Variants in SLA observed in about 807,000 individuals in gnomAD.
SLA encodes Src like adaptor, also known as src-like-adapter.
In SLA, 16 loss-of-function variants were observed where a neutral mutation model predicts 30.3. That is an observed-to-expected ratio of 0.53 (90% CI 0.36 to 0.80). The LOEUF (loss-of-function observed/expected upper bound fraction) is 0.80, where lower values mean the gene tolerates loss of function less well. SLA is among the 30% of genes least tolerant of loss of function. The pLI is 0.01. For synonymous variants in SLA, 143 were observed against 137.8 expected (o/e 1.04, Z -0.26); for missense variants, 310 against 345.2 (o/e 0.90, Z 0.81).
At chr8:133,058,233 G>A (rs1043854167) in intron 3 of SLA, among the ~76,000 whole-genome samples, 1 of 152,156 alleles carries the variant, frequency 6.6e-6, no homozygotes, top group Admixed American at 6.5e-5. Flanking sequence ...ATGATCGGGG[G>A]AACGTTTCAG....
intron 3 of SLA, among the ~76,000 whole-genome samples, chr8:133,057,022 A>T (rs1303647886): frequency 6.6e-6 from 1 of 152,124 alleles, no homozygotes; most frequent in Non-Finnish European, 1.5e-5. Flanking sequence ...TGCGAAGACC[A>T]CTTACTGAGA....
chr8:133,059,211 C>A (rs1178970667), intron 3 of SLA: 1 of 448,270 alleles, frequency 2.2e-6, no homozygotes, highest in Non-Finnish European at 4.5e-6. Context: ...AAATGGGACA[C>A]CAGGCCCCAA....
intron 1 of SLA, among the ~76,000 whole-genome samples, chr8:133,100,121 T>C (rs1165470166): frequency 6.6e-6 from 1 of 152,246 alleles, no homozygotes; most frequent in Non-Finnish European, 1.5e-5. Flanking sequence ...GGCTCACTGG[T>C]TTATCCCTTT....
chr8:133,036,909 C>G lies in SLA; in HGVS notation c.*1615G>C, dbSNP rs1451256589. On this transcript the variant is annotated 3_prime_UTR_variant, in exon 9 of 9. Transcript: ENST00000338087. ...AGACATCTGGAGTTCAGGGGGTCACCCTGCCTTATGCGGGAAGTCAATGTC... is the reference window on the plus strand; with the variant it reads ...AGACATCTGGAGTTCAGGGGGTCACGCTGCCTTATGCGGGAAGTCAATGTC... The G allele has an allele frequency of 1.3e-5, 2 of 152,428 alleles. No homozygotes were observed. Among genetic ancestry groups the G allele is most frequent in the Admixed American group, 1.3e-4 (2 of 15,278 alleles). 9.4% of individuals were successfully genotyped at this position (152,428 alleles called of 1,614,324 possible). A position where few individuals can be genotyped will look rare whatever the true frequency, so the allele number is the denominator to read the frequency against.
At position 133,075,084 on chromosome 8, in the gene SLA, G is replaced by T. The variant is rs1235454332; in HGVS notation, c.-272C>A. ...AGGCACAGGGCTTGCAGAAGGGCAG[G>T]TTCCTGTTTTCAGTAACCACTCTGA... On this transcript the variant is annotated 5_prime_UTR_variant, in exon 2 of 9. Coordinates refer to ENST00000338087, the MANE Select transcript of SLA (RefSeq NM_001045556.3). 17 of 985,322 alleles carry T rather than the reference G, an allele frequency of 1.7e-5. No homozygotes were observed. Among genetic ancestry groups the T allele is most frequent in the Non-Finnish European group, 1.7e-5 (14 of 829,942 alleles). The allele number at this position is 985,322 out of a possible 1,614,324, so 61.0% of individuals were successfully genotyped here. A position where few individuals can be genotyped will look rare whatever the true frequency, so the allele number is the denominator to read the frequency against.
At chr8:133,047,784 T>G (rs777001717) in intron 6 of SLA, 46 bp downstream of exon 6, 1 of 1,074,442 alleles carries the variant, frequency 9.3e-7, no homozygotes, top group East Asian at 2.4e-5. Context: ...GAGCAAAACA[T>G]GCTTGTCTGC....
chr8:133,093,413 C>A (rs4736630), intron 1 of SLA, among the ~76,000 whole-genome samples: 108,645 of 151,702 alleles, frequency 0.72, 39,317 homozygotes, highest in Non-Finnish European at 0.75. Flanking sequence ...ATCACGTAGC[C>A]CAGGAGCCTT....
chr8:133,087,425 C>T (rs1176906210), intron 1 of SLA, among the ~76,000 whole-genome samples: 1 of 152,156 alleles, frequency 6.6e-6, no homozygotes, highest in East Asian at 1.9e-4. Flanking sequence ...AGAACCACCT[C>T]CTTCCTCCCT....
At chr8:133,058,776 C>G (rs1157374813) in intron 3 of SLA, among the ~76,000 whole-genome samples, 2 of 152,234 alleles carry the variant, frequency 1.3e-5, no homozygotes, top group African/African-American at 4.8e-5. Flanking sequence ...AGCACATGCT[C>G]TGTTCCACCT....
At chr8:133,085,589 A>G (rs73708839) in intron 1 of SLA, among the ~76,000 whole-genome samples, 7,806 of 152,286 alleles carry the variant, frequency 0.051, 652 homozygotes, top group African/African-American at 0.18. Context: ...AAATGGGCCC[A>G]TAAGCATAGC....
intron 3 of SLA, among the ~76,000 whole-genome samples, chr8:133,056,744 C>A (rs973224135): frequency 6.6e-6 from 1 of 152,140 alleles, no homozygotes; most frequent in South Asian, 2.1e-4. Context: ...GAGCACCAAG[C>A]GGCTCTAATC....
intron 6 of SLA, among the ~76,000 whole-genome samples, chr8:133,045,347 T>G (rs1431642929): frequency 6.6e-6 from 1 of 151,234 alleles, no homozygotes; most frequent in Non-Finnish European, 1.5e-5. Flanking sequence ...CATCACATGG[T>G]CCTTACAGGT....
At chr8:133,075,216 C>T (rs4606039) in intron 1 of SLA, 86 bp from the exon 2 acceptor site, 148,603 of 747,862 alleles carry the variant, frequency 0.2, 15,729 homozygotes, top group East Asian at 0.22. Flanking sequence ...ATTTCAGAAG[C>T]TTGGTCTTCT....
chr8:133,094,994 G>A, intron 1 of SLA: 1 of 1,611,464 alleles, frequency 6.2e-7, no homozygotes, highest in Middle Eastern at 2.2e-4. Context: ...AGGTGAGCAG[G>A]GGCTGAAGAT....
intron 2 of SLA, among the ~76,000 whole-genome samples, chr8:133,070,209 T>G (rs1241828192): frequency 1.3e-5 from 2 of 152,046 alleles, no homozygotes; most frequent in Admixed American, 1.3e-4. Context: ...GACTTCCAGT[T>G]TCCAGTGTGA....
intron 5 of SLA, chr8:133,049,071 G>T: frequency 2.3e-6 from 1 of 440,174 alleles, no homozygotes. Context: ...AACTCCAGGA[G>T]GTGAAGCGAC....
chr8:133,038,529 C>T lies in SLA; in HGVS notation c.826G>A (p.Asp276Asn), dbSNP rs1837511862. Residue 276 changes from aspartate to asparagine, a missense_variant, in exon 9 of 9, where the codon GAC (aspartate) becomes AAC (asparagine). Transcript: ENST00000338087. ...SFFSSPPYFE[D>N] is the part of the protein sequence containing the mutation. Reference sequence around the variant, plus strand: ...ACCATTGTGTCTGTTCTTGGCTAGTCCTCAAAGTAAGGTGGTGATGAGAAG... The same window carrying T: ...ACCATTGTGTCTGTTCTTGGCTAGTTCTCAAAGTAAGGTGGTGATGAGAAG... 1 of 1,609,352 alleles carries T rather than the reference C, an allele frequency of 6.2e-7. No individual in the cohort carries two copies. Among genetic ancestry groups the T allele is most frequent in the South Asian group, 1.1e-5 (1 of 91,020 alleles).
intron 2 of SLA, among the ~76,000 whole-genome samples, chr8:133,073,546 A>G (rs1019723384): frequency 6.6e-6 from 1 of 152,158 alleles, no homozygotes; most frequent in Non-Finnish European, 1.5e-5. Flanking sequence ...ATTAAATAGC[A>G]TTCTTCTAAA....
chr8:133,047,981 C>T (rs371194857), intron 5 of SLA, 48 bp from the exon 6 acceptor site: 14 of 1,138,518 alleles, frequency 1.2e-5, no homozygotes, highest in Non-Finnish European at 1.7e-5. Context: ...AGCCCTCCCC[C>T]AGGAAAGGCA....
Sources: allele counts gnomAD v4.1 joint callset (sites outside exome capture counted in the v4.1 genomes callset), GRCh38; gene constraint gnomAD v4.1.1; transcripts MANE v1.5; gene names NCBI Gene and HGNC (gene_info 2026-07-23, HGNC 2026-07-21).